The following GLIPR2 variants were observed in gnomAD, a reference collection of about 807,000 sequenced individuals.
GLIPR2 encodes Golgi-associated plant pathogenesis-related protein 1.
In GLIPR2, 21 loss-of-function variants were observed where a neutral mutation model predicts 20.4. The ratio of observed to expected loss-of-function variants is 1.03; its 90% CI spans 0.73 to 1.48. The LOEUF (loss-of-function observed/expected upper bound fraction) is 1.48. Ranked by LOEUF, GLIPR2 falls within the 40% of genes most tolerant of loss-of-function variation. The probability of loss-of-function intolerance (pLI) is 0.00; values close to 1 mark genes in which losing one functional copy is unlikely to be tolerated. For synonymous variants in GLIPR2, 91 were observed against 80.5 expected (o/e 1.13, Z -0.70); for missense variants, 205 against 200.1 (o/e 1.02, Z -0.15).
intron 3 of GLIPR2, among the ~76,000 whole-genome samples, chr9:36,149,770 G>A (rs1825501109): frequency 6.6e-6 from 1 of 152,218 alleles, no homozygotes; most frequent in Admixed American, 6.5e-5. Context: ...GCTCACGCCT[G>A]CAATCCCAGC....
intron 1 of GLIPR2, among the ~76,000 whole-genome samples, chr9:36,143,897 C>T (rs1029850493): frequency 3.9e-5 from 6 of 152,128 alleles, no homozygotes; most frequent in South Asian, 2.1e-4. Flanking sequence ...ACCCACTGGC[C>T]CCAGCTTTCC....
chr9:36,147,624 G>A (rs1825387261), intron 1 of GLIPR2, among the ~76,000 whole-genome samples, 162 bp from the exon 2 acceptor site: 1 of 152,262 alleles, frequency 6.6e-6, no homozygotes, highest in Admixed American at 6.5e-5. Flanking sequence ...GAGCAGTGGC[G>A]TGGAGCAGGG....
At chr9:36,155,463 G>A (rs917900180) in intron 4 of GLIPR2, among the ~76,000 whole-genome samples, 8 of 152,058 alleles carry the variant, frequency 5.3e-5, no homozygotes, top group Non-Finnish European at 7.4e-5. Context: ...ATGTGGTGGC[G>A]TGCATCTGTA....
At position 36,141,601 on chromosome 9, in the gene GLIPR2, T is replaced by C. The variant is rs1825084444; in HGVS notation, c.13+4810T>C. On this transcript the variant is annotated intron_variant, in intron 1 of 4. Coordinates refer to ENST00000377960, the MANE Select transcript of GLIPR2 (RefSeq NM_022343.4). ...AGGAAGATGCTGAGGGAAGAGCCTGTCTCAGCCAAAAGTTTAAATGGTAGA... is the reference window on the plus strand; with the variant it reads ...AGGAAGATGCTGAGGGAAGAGCCTGCCTCAGCCAAAAGTTTAAATGGTAGA... 2.0e-5 allele frequency among the ~76,000 whole-genome samples: 3 copies of C among 152,122 alleles called. No homozygotes were observed. In the South Asian group the frequency reaches 6.2e-4, roughly 32 times the overall value.
intron 4 of GLIPR2, among the ~76,000 whole-genome samples, chr9:36,151,388 C>T (rs1825577975): frequency 6.6e-6 from 1 of 152,196 alleles, no homozygotes; most frequent in Non-Finnish European, 1.5e-5. Context: ...TGCCATGGCT[C>T]CCTGGGGCCA....
chr9:36,151,027 G>C (rs1213561402), intron 4 of GLIPR2, 78 bp downstream of exon 4: 1 of 936,438 alleles, frequency 1.1e-6, no homozygotes, highest in African/African-American at 1.6e-5. Flanking sequence ...GGAGGAACCA[G>C]CCCTCTAAAA....
chr9:36,153,137 A>G (rs1422746017), intron 4 of GLIPR2, among the ~76,000 whole-genome samples: 8 of 151,730 alleles, frequency 5.3e-5, no homozygotes, highest in Admixed American at 5.2e-4. Context: ...AAAAAAAAAA[A>G]AAAAAGAAAG....
At position 36,148,247 on chromosome 9, in the gene GLIPR2, C is replaced by CAAA. The variant is rs751343269; in HGVS notation, c.123-289_123-287dup. ...TGGGTGACAGAGTGAGACAACATCT[C>CAAA]AAAAAAAAAAAAACGTTGGGGGGCC... On this transcript the variant is annotated intron_variant, in intron 2 of 4. Transcript: ENST00000377960. 1.5e-3 allele frequency among the ~76,000 whole-genome samples: 195 copies of CAAA among 130,298 alleles called. 2 individuals are homozygous for CAAA. The highest frequency in any genetic ancestry group is 5.1e-3 in the African/African-American group (184 of 36,136). The allele number at this position is 130,298 out of a possible 152,430, so 85.5% of individuals were successfully genotyped here.
At chr9:36,152,668 T>C (rs1424856961) in intron 4 of GLIPR2, among the ~76,000 whole-genome samples, 1 of 145,276 alleles carries the variant, frequency 6.9e-6, no homozygotes, top group Non-Finnish European at 1.5e-5. Flanking sequence ...GAGAATCACT[T>C]GAACCCGGGA....
At chr9:36,150,407 C>T (rs1209297666) in intron 3 of GLIPR2, among the ~76,000 whole-genome samples, 3 of 152,118 alleles carry the variant, frequency 2.0e-5, no homozygotes, top group South Asian at 2.1e-4. Context: ...AGTGGAGATC[C>T]GTGGCTTACC....
chr9:36,159,608 A>C (rs762331901), intron 4 of GLIPR2, among the ~76,000 whole-genome samples: 14 of 152,194 alleles, frequency 9.2e-5, no homozygotes, highest in Non-Finnish European at 1.5e-4. Context: ...AATGGGAAGA[A>C]TGGTACATAG....
chr9:36,162,187 A>AT lies in GLIPR2; in HGVS notation c.305-175_305-174insT, dbSNP rs1295339872. The AT allele has an allele frequency of 4.7e-6, 7 of 1,491,534 alleles. No individual in the cohort carries two copies. In the East Asian group the frequency reaches 1.7e-4, roughly 37 times the overall value. 92.4% of individuals were successfully genotyped at this position (1,491,534 alleles called of 1,614,324 possible). Reference sequence around the variant, plus strand: ...GAGACTCCATCTTGGGGGAAAAAAAAAGAAGTCAGGCAGTCAGAGTGTTTT... The same window carrying AT: ...GAGACTCCATCTTGGGGGAAAAAAAATAGAAGTCAGGCAGTCAGAGTGTTTT... On this transcript the variant is annotated intron_variant, in intron 4 of 4. Transcript: ENST00000377960.
intron 4 of GLIPR2, among the ~76,000 whole-genome samples, chr9:36,152,156 T>C (rs7037894): frequency 0.99 from 150,944 of 152,316 alleles, 74,803 homozygotes; most frequent in Middle Eastern, 1. Flanking sequence ...CTCCTCTCCA[T>C]TAACCCCTGC....
chr9:36,161,505 A>G (rs1826050925), intron 4 of GLIPR2, among the ~76,000 whole-genome samples: 1 of 10,478 alleles, frequency 9.5e-5, no homozygotes, highest in East Asian at 1.8e-3. Context: ...GCTTAGAGGA[A>G]AAAAAAAAAA....
chr9:36,142,506 G>A (rs2132717522), intron 1 of GLIPR2, among the ~76,000 whole-genome samples: 1 of 152,324 alleles, frequency 6.6e-6, no homozygotes, highest in East Asian at 1.9e-4. Context: ...CACATGGCCA[G>A]AGCAGGAGAA....
chr9:36,155,462 C>T (rs1412588226), intron 4 of GLIPR2, among the ~76,000 whole-genome samples: 2 of 152,052 alleles, frequency 1.3e-5, no homozygotes, highest in Non-Finnish European at 2.9e-5. Flanking sequence ...GATGTGGTGG[C>T]GTGCATCTGT....
chr9:36,148,370 G>T (rs1286425889), intron 2 of GLIPR2, among the ~76,000 whole-genome samples, 177 bp from the exon 3 acceptor site: 3 of 152,192 alleles, frequency 2.0e-5, no homozygotes, highest in Non-Finnish European at 2.9e-5. Context: ...GTTCCCCTGA[G>T]CCTCGACTTG....
intron 1 of GLIPR2, among the ~76,000 whole-genome samples, chr9:36,140,174 G>A (rs1825011239): frequency 6.6e-6 from 1 of 152,078 alleles, no homozygotes; most frequent in African/African-American, 2.4e-5. Context: ...CCTGCTCCCT[G>A]CCAGCCTGAA....
At position 36,149,128 on chromosome 9, in the gene GLIPR2, G is replaced by C. The variant is rs559711924; in HGVS notation, c.226+478G>C. Among the ~76,000 whole-genome samples, 4 of 151,196 alleles carry C rather than the reference G, an allele frequency of 2.6e-5. No homozygotes were observed. In the South Asian group the frequency reaches 8.3e-4, roughly 32 times the overall value. On this transcript the variant is annotated intron_variant, in intron 3 of 4. Transcript: ENST00000377960. ...AAGCAATAGAGCTTTTTCCATTTTG[G>C]AAAAAAAAATAATAATGGAAAAGAC...
Sources: gnomAD v4.1 joint callset for allele counts (sites outside exome capture counted in the v4.1 genomes callset) on GRCh38, gnomAD v4.1.1 for gene constraint, MANE v1.5 for transcripts, NCBI Gene and HGNC (gene_info 2026-07-23, HGNC 2026-07-21) for gene names.